The following TRUB1 variants were observed in gnomAD, a reference collection of about 807,000 sequenced individuals.
TRUB1 encodes the protein TruB pseudouridine synthase family member 1, also known as pseudouridylate synthase TRUB1.
TRUB1 carries 23 observed loss-of-function variants against 33.9 expected under a neutral mutation model. That is an observed-to-expected ratio of 0.68 (90% CI 0.49 to 0.96). The LOEUF (loss-of-function observed/expected upper bound fraction) is 0.96, where lower values mean the gene tolerates loss of function less well. Among genes scored for constraint, TRUB1 ranks in the 40% least tolerant of loss-of-function variants. The probability of loss-of-function intolerance (pLI) is 0.00; values close to 1 mark genes in which losing one functional copy is unlikely to be tolerated. For synonymous variants in TRUB1, 163 were observed against 165.4 expected, an observed-to-expected ratio of 0.99 and a Z score of 0.11; for missense variants, 378 against 422.2, an observed-to-expected ratio of 0.90 and a Z score of 0.92.
At chr10:114,940,222 A>G (rs2084180255) in intron 1 of TRUB1, among the ~76,000 whole-genome samples, 1 of 152,132 alleles carries the variant, frequency 6.6e-6, no homozygotes, top group Non-Finnish European at 1.5e-5. Flanking sequence ...CCTGGGTTCA[A>G]GTGATTCTCC....
At chr10:114,953,242 A>G (rs980715717) in intron 3 of TRUB1, among the ~76,000 whole-genome samples, 1 of 152,258 alleles carries the variant, frequency 6.6e-6, no homozygotes, top group Non-Finnish European at 1.5e-5. Flanking sequence ...AATGTCATAC[A>G]GTGAAATCAC....
chr10:114,975,581 G>C lies in TRUB1; in HGVS notation c.*202G>C. 4.5e-6 allele frequency: 2 copies of C among 442,998 alleles called. No homozygotes were observed. The highest frequency in any genetic ancestry group is 7.8e-6 in the Non-Finnish European group (2 of 257,284). 27.4% of individuals were successfully genotyped at this position (442,998 alleles called of 1,614,324 possible). A position where few individuals can be genotyped will look rare whatever the true frequency, so the allele number is the denominator to read the frequency against. On this transcript the variant is annotated 3_prime_UTR_variant, in exon 8 of 8. Transcript: ENST00000298746. ...GGCCTTGCAGTTGGCTCAGTTGTTT[G>C]TTGTGTTGTGAAATGTTTTAGGATT...
chr10:114,967,169 T>G (rs1262638496), intron 4 of TRUB1, among the ~76,000 whole-genome samples: 1 of 152,234 alleles, frequency 6.6e-6, no homozygotes, highest in Non-Finnish European at 1.5e-5. Context: ...CCTCAGATTC[T>G]GATCTCTGTT....
At chr10:114,962,187 C>G (rs1176993445) in intron 4 of TRUB1, among the ~76,000 whole-genome samples, 1 of 152,140 alleles carries the variant, frequency 6.6e-6, no homozygotes, top group Non-Finnish European at 1.5e-5. Flanking sequence ...TCCTGAGTAG[C>G]TGGGACTACA....
chr10:114,954,222 AG>A (rs1564699022), intron 3 of TRUB1, among the ~76,000 whole-genome samples: 1 of 152,232 alleles, frequency 6.6e-6, no homozygotes, highest in East Asian at 1.9e-4. Flanking sequence ...CGTCAAGAGT[AG>A]AAATATTTAG....
In TRUB1 at chr10:114,972,119, TC is replaced by T. The variant is rs1564702303; in HGVS notation, c.597-15del. On this transcript the variant is annotated splice_polypyrimidine_tract_variant and intron_variant, in intron 5 of 7. Coordinates refer to ENST00000298746, the MANE Select transcript of TRUB1 (RefSeq NM_139169.5). ...GCTCTCCTTTCCTTCCATTTCTCCT[TC>T]TCTCATCTCACAAGCTATTCTGCAT... 6.2e-7 allele frequency: 1 copy of T among 1,611,760 alleles called. No homozygotes were observed. Among genetic ancestry groups the T allele is most frequent in the Non-Finnish European group, 8.5e-7 (1 of 1,179,292 alleles).
Position 114,975,453 on chromosome 10 carries a change from A to G in TRUB1, c.*74A>G, listed in dbSNP as rs2084356351. On this transcript the variant is annotated 3_prime_UTR_variant, in exon 8 of 8. Coordinates refer to ENST00000298746, the MANE Select transcript of TRUB1 (RefSeq NM_139169.5). ...GTGCAGATGCAGAATGACAAGCTGC[A>G]TTCAAAAGACAAACAATATGTCTTT... is the stretch of plus-strand genomic sequence containing the variant. 7.2e-7 allele frequency: 1 copy of G among 1,381,852 alleles called. No homozygotes were observed. The highest frequency in any genetic ancestry group is 2.4e-5 in the East Asian group (1 of 41,114). 85.6% of individuals were successfully genotyped at this position (1,381,852 alleles called of 1,614,324 possible).
At chr10:114,939,300 C>T (rs17794814) in intron 1 of TRUB1, among the ~76,000 whole-genome samples, 1 of 152,168 alleles carries the variant, frequency 6.6e-6, no homozygotes, top group African/African-American at 2.4e-5. Context: ...TCCTTAAGTT[C>T]ATTGGACATA....
intron 1 of TRUB1, 73 bp downstream of exon 1, chr10:114,938,612 C>G (rs1298255967): frequency 5.1e-5 from 72 of 1,416,542 alleles, no homozygotes; most frequent in Non-Finnish European, 6.5e-5. Context: ...CTTTTTGCGA[C>G]GCTCGTGATT....
chr10:114,973,267 A>C (rs1376153636), intron 6 of TRUB1, among the ~76,000 whole-genome samples: 1 of 152,194 alleles, frequency 6.6e-6, no homozygotes, highest in Non-Finnish European at 1.5e-5. Flanking sequence ...CTGGTTTGAC[A>C]CAGTAGATAT....
At chr10:114,955,796 C>T (rs12244871) in intron 3 of TRUB1, among the ~76,000 whole-genome samples, 2,258 of 152,160 alleles carry the variant, frequency 0.015, 60 homozygotes, top group African/African-American at 0.051. Context: ...TTTCTATATA[C>T]GCTATTAATT....
chr10:114,953,767 G>A (rs1389850070), intron 3 of TRUB1, among the ~76,000 whole-genome samples: 1 of 152,110 alleles, frequency 6.6e-6, no homozygotes, highest in Non-Finnish European at 1.5e-5. Flanking sequence ...TCTGGTGAGG[G>A]CCTCTGGAAG....
At chr10:114,948,186 G>A (rs1483764120) in intron 2 of TRUB1, among the ~76,000 whole-genome samples, 1 of 152,102 alleles carries the variant, frequency 6.6e-6, no homozygotes, top group Non-Finnish European at 1.5e-5. Context: ...GGAAAACCCC[G>A]TTATTCATCT....
chr10:114,966,221 C>T (rs2084307010), intron 4 of TRUB1, among the ~76,000 whole-genome samples: 1 of 152,040 alleles, frequency 6.6e-6, no homozygotes. Context: ...TGCATATGTA[C>T]ATCGTTTTGT....
intron 1 of TRUB1, among the ~76,000 whole-genome samples, chr10:114,939,236 A>G (rs541781999): frequency 3.2e-4 from 48 of 152,340 alleles, no homozygotes; most frequent in South Asian, 6.2e-4. Flanking sequence ...AGAAAAGCCT[A>G]GAGAATCACC....
chr10:114,949,896 GTT>G (rs35333718), intron 2 of TRUB1, among the ~76,000 whole-genome samples: 11 of 125,060 alleles, frequency 8.8e-5, no homozygotes, highest in Admixed American at 2.5e-4. Context: ...ATCTTTTAAA[GTT>G]TTTTTTTTTT....
In TRUB1 at chr10:114,975,490, A is replaced by C; in HGVS notation, c.*111A>C. The C allele has an allele frequency of 9.9e-7, 1 of 1,010,940 alleles. No individual in the cohort carries two copies. Among genetic ancestry groups the C allele is most frequent in the Non-Finnish European group, 1.4e-6 (1 of 716,682 alleles). The allele number at this position is 1,010,940 out of a possible 1,614,324, so 62.6% of individuals were successfully genotyped here. On this transcript the variant is annotated 3_prime_UTR_variant, in exon 8 of 8. Transcript: ENST00000298746. ...AACAATATGTCTTTTTTTTTTTTGC[A>C]TGAAGAAAAATGTCTATCATTTACA...
chr10:114,974,294 G>T, intron 6 of TRUB1, 35 bp from the exon 7 acceptor site: 1 of 1,563,570 alleles, frequency 6.4e-7, no homozygotes, highest in South Asian at 1.1e-5. Flanking sequence ...TTCATAGGAG[G>T]TTAGCAATTT....
At chr10:114,965,276 C>G (rs1217761095) in intron 4 of TRUB1, among the ~76,000 whole-genome samples, 1 of 151,986 alleles carries the variant, frequency 6.6e-6, no homozygotes. Flanking sequence ...AAGAAGTTGC[C>G]TTTTATTCCT....
Sources: gnomAD v4.1 joint callset for allele counts (sites outside exome capture counted in the v4.1 genomes callset) on GRCh38, gnomAD v4.1.1 for gene constraint, MANE v1.5 for transcripts, NCBI Gene and HGNC (gene_info 2026-07-23, HGNC 2026-07-21) for gene names.